Variants in RGSL1 observed in about 807,000 individuals in gnomAD.
RGSL1 encodes the protein regulator of G protein signaling like 1, also known as regulator of G protein signaling protein-like.
In RGSL1, 97 loss-of-function variants were observed where a neutral mutation model predicts 124.7. That is an observed-to-expected ratio of 0.78 (90% CI 0.66 to 0.92). The LOEUF is 0.92. Among genes scored for constraint, RGSL1 ranks in the 40% least tolerant of loss-of-function variants. The probability of loss-of-function intolerance (pLI) is 0.00; values close to 1 mark genes in which losing one functional copy is unlikely to be tolerated. For synonymous variants in RGSL1, 424 were observed against 438.1 expected (o/e 0.97, Z 0.40); for missense variants, 1,233 against 1,288.4 (o/e 0.96, Z 0.66).
intron 9 of RGSL1, among the ~76,000 whole-genome samples, chr1:182,499,961 G>A (rs1216657580): frequency 6.6e-6 from 1 of 151,978 alleles, no homozygotes; most frequent in Non-Finnish European, 1.5e-5. Flanking sequence ...CATTCTGTGG[G>A]CTGTATTTTC....
chr1:182,480,808 A>G (rs1654648498), intron 6 of RGSL1, among the ~76,000 whole-genome samples: 1 of 152,194 alleles, frequency 6.6e-6, no homozygotes, highest in African/African-American at 2.4e-5. Flanking sequence ...AATCAAGAAT[A>G]GAAAATGGGA....
chr1:182,474,605 C>A (rs1654141330), intron 6 of RGSL1, 63 bp downstream of exon 6: 5 of 1,469,148 alleles, frequency 3.4e-6, no homozygotes, highest in Non-Finnish European at 9.0e-7. Flanking sequence ...GACTAAAAAT[C>A]CCATCTGGTC....
chr1:182,530,930 A>G lies in RGSL1; in HGVS notation c.2364+20A>G. 6.5e-7 allele frequency: 1 copy of G among 1,542,878 alleles called. No homozygotes were observed. The highest frequency in any genetic ancestry group is 1.7e-4 in the Middle Eastern group (1 of 5,932). On this transcript the variant is annotated intron_variant, in intron 13 of 21. Transcript: ENST00000294854. ...TCCCAGGTTAGTGAAGAAGAAAGTG[A>G]AACAAGACATTAGAGACAAGAAAAC...
chr1:182,529,464 A>AT (rs1447216715), intron 11 of RGSL1, among the ~76,000 whole-genome samples: 2 of 152,172 alleles, frequency 1.3e-5, no homozygotes, highest in African/African-American at 4.8e-5. Flanking sequence ...TCTTTGTTTC[A>AT]TAAGTTGTGT....
chr1:182,496,209 A>G (rs773557916), intron 9 of RGSL1, among the ~76,000 whole-genome samples: 5 of 152,146 alleles, frequency 3.3e-5, no homozygotes, highest in Non-Finnish European at 7.4e-5. Context: ...CACTTAACCA[A>G]TAAGATATCA....
intron 4 of RGSL1, among the ~76,000 whole-genome samples, chr1:182,465,911 G>A (rs1441377800): frequency 6.6e-6 from 1 of 152,018 alleles, no homozygotes; most frequent in East Asian, 1.9e-4. Flanking sequence ...GCAAAAGTCT[G>A]CAATGAAATA....
chr1:182,492,900 A>T (rs1314121554), intron 8 of RGSL1, 122 bp from the exon 9 acceptor site: 3 of 692,264 alleles, frequency 4.3e-6, no homozygotes, highest in Non-Finnish European at 7.8e-6. Flanking sequence ...AAGTGCTGGG[A>T]TTACAAACGT....
chr1:182,472,389 C>A lies in RGSL1; in HGVS notation c.302-7C>A. ...ATAGCTCTGTGCCTCTTCTGTCTCACCCGTAGGTGAAGAATTGGTGGATTT... is the reference window on the plus strand; with the variant it reads ...ATAGCTCTGTGCCTCTTCTGTCTCAACCGTAGGTGAAGAATTGGTGGATTT... On this transcript the variant is annotated splice_region_variant and splice_polypyrimidine_tract_variant and intron_variant, in intron 4 of 21. Coordinates refer to ENST00000294854, the MANE Select transcript of RGSL1 (RefSeq NM_001137669.2). 2 of 1,547,400 alleles carry A rather than the reference C, an allele frequency of 1.3e-6. No individual in the cohort carries two copies. The highest frequency in any genetic ancestry group is 1.7e-4 in the Middle Eastern group (1 of 5,968).
chr1:182,520,315 T>C (rs1204411264), intron 9 of RGSL1, among the ~76,000 whole-genome samples: 1 of 152,218 alleles, frequency 6.6e-6, no homozygotes, highest in Non-Finnish European at 1.5e-5. Context: ...GTTTGAGGTG[T>C]TTATCAGGGC....
chr1:182,549,949 C>T (rs1383115349), intron 17 of RGSL1: 2 of 152,312 alleles, frequency 1.3e-5, no homozygotes, highest in East Asian at 3.9e-4. Flanking sequence ...GAAATATATG[C>T]TTCTCTTGAA....
At chr1:182,527,870 C>A in intron 11 of RGSL1, 98 bp downstream of exon 11, 1 of 979,608 alleles carries the variant, frequency 1.0e-6, no homozygotes, top group Non-Finnish European at 1.5e-6. Flanking sequence ...CCAGAGAGAG[C>A]AGTACAGAGC....
chr1:182,459,540 T>A (rs1358831783), intron 3 of RGSL1, among the ~76,000 whole-genome samples: 3 of 152,372 alleles, frequency 2.0e-5, no homozygotes, highest in East Asian at 1.9e-4. Context: ...TATCCTGTAT[T>A]CTAAATGATG....
intron 10 of RGSL1, among the ~76,000 whole-genome samples, chr1:182,522,475 T>C (rs1325713822): frequency 1.3e-5 from 2 of 152,216 alleles, no homozygotes; most frequent in African/African-American, 4.8e-5. Flanking sequence ...ACATGTTTCT[T>C]TGCCTGTTTG....
chr1:182,533,863 T>C (rs552446396), intron 14 of RGSL1, among the ~76,000 whole-genome samples: 183 of 152,242 alleles, frequency 1.2e-3, no homozygotes, highest in Non-Finnish European at 2.3e-3. Flanking sequence ...GAAAATGACA[T>C]AAAGTTGAGT....
intron 6 of RGSL1, among the ~76,000 whole-genome samples, chr1:182,487,977 C>T (rs1655219654): frequency 6.6e-6 from 1 of 152,136 alleles, no homozygotes; most frequent in Non-Finnish European, 1.5e-5. Flanking sequence ...TGAGATATTA[C>T]TTTGGAACAG....
In RGSL1 at chr1:182,460,007, G is replaced by A. The variant is rs1202653353; in HGVS notation, c.175G>A (p.Ala59Thr). ...TTCTATTTTGCTTTGACTCTAGATTGCCAAATACAAAGGGTTATTGACCTG... is the reference window on the plus strand; with the variant it reads ...TTCTATTTTGCTTTGACTCTAGATTACCAAATACAAAGGGTTATTGACCTG... ...LWPEIPCNLI[A>T]KYKGLLTWLE... Residue 59 changes from alanine to threonine, a missense_variant, in exon 4 of 22, where the codon GCC becomes ACC. Transcript: ENST00000294854. 1 of 1,550,458 alleles carries A rather than the reference G, an allele frequency of 6.4e-7. No homozygotes were observed. Among genetic ancestry groups the A allele is most frequent in the Non-Finnish European group, 8.7e-7 (1 of 1,146,662 alleles).
At chr1:182,497,538 C>A (rs1656025912) in intron 9 of RGSL1, among the ~76,000 whole-genome samples, 1 of 151,928 alleles carries the variant, frequency 6.6e-6, no homozygotes, top group Non-Finnish European at 1.5e-5. Context: ...TAATGCCCCA[C>A]CATCCTCAAA....
At chr1:182,551,246 C>A in intron 18 of RGSL1, 37 bp downstream of exon 18, 2 of 1,489,884 alleles carry the variant, frequency 1.3e-6, no homozygotes, top group Non-Finnish European at 1.8e-6. Flanking sequence ...CATTCTCCAG[C>A]AACCAAGACT....
intron 1 of RGSL1, chr1:182,450,569 C>A: frequency 4.0e-6 from 1 of 249,094 alleles, no homozygotes; most frequent in South Asian, 6.7e-5. Context: ...AGTTTGAAGG[C>A]AGAACAGGTA....
Sources: allele counts gnomAD v4.1 joint callset (sites outside exome capture counted in the v4.1 genomes callset), GRCh38; gene constraint gnomAD v4.1.1; transcripts MANE v1.5; gene names NCBI Gene and HGNC (gene_info 2026-07-23, HGNC 2026-07-21).